Variants in PKD1L3 observed in about 807,000 individuals in gnomAD.
The protein encoded by PKD1L3 is polycystin 1 like 3, transient receptor potential channel interacting, also known as polycystin-1-like protein 3.
PKD1L3 carries 239 observed loss-of-function variants against 184.1 expected under a neutral mutation model. That is an observed-to-expected ratio of 1.30 (90% CI 1.17 to 1.45). The LOEUF (loss-of-function observed/expected upper bound fraction) is 1.45, where lower values mean the gene tolerates loss of function less well. Ranked by LOEUF, PKD1L3 falls within the 40% of genes most tolerant of loss-of-function variation. The pLI is 0.00. For synonymous variants in PKD1L3, 996 were observed against 778.8 expected (o/e 1.28, Z -4.64); for missense variants, 2,660 against 2,067.2 (o/e 1.29, Z -5.56).
intron 11 of PKD1L3, 67 bp downstream of exon 11, chr16:71,977,169 T>A (rs549216594): frequency 9.2e-6 from 11 of 1,191,326 alleles, no homozygotes; most frequent in Non-Finnish European, 1.3e-5. Flanking sequence ...ACAATGATGG[T>A]GCCACTGCAC....
At chr16:71,994,435 G>A (rs1162764494) in intron 2 of PKD1L3, among the ~76,000 whole-genome samples, 1 of 152,094 alleles carries the variant, frequency 6.6e-6, no homozygotes. Context: ...TACCTGTAGC[G>A]AGACAATGCC....
Position 71,930,171 on chromosome 16 carries a change from C to T in PKD1L3, c.4939G>A (p.Asp1647Asn). 6.5e-7 allele frequency: 1 copy of T among 1,541,970 alleles called. No individual in the cohort carries two copies. Among genetic ancestry groups the T allele is most frequent in the African/African-American group, 1.4e-5 (1 of 72,418 alleles). Reference sequence around the variant, plus strand: ...ATCAGAAAGGTGCCCAGGACTGGGTCTAAAGCGAAAACCTGGGAAAACAAT... The same window carrying T: ...ATCAGAAAGGTGCCCAGGACTGGGTTTAAAGCGAAAACCTGGGAAAACAAT... ...ISHQEEVFAL[D>N]PVLGTFLILT... Residue 1647 changes from aspartate (D) to asparagine (N), a missense_variant, in exon 29 of 30, where the codon GAC becomes AAC. Asp to Asn is a conservative substitution (Grantham distance 23). Transcript: ENST00000620267.
At chr16:71,966,083 G>T (rs566447490) in intron 15 of PKD1L3, among the ~76,000 whole-genome samples, 37 of 152,326 alleles carry the variant, frequency 2.4e-4, no homozygotes, top group African/African-American at 8.7e-4. Context: ...GGTATGTCTA[G>T]CTAGGGGGAA....
At chr16:71,990,553 T>G (rs1446202095) in intron 3 of PKD1L3, among the ~76,000 whole-genome samples, 4 of 151,868 alleles carry the variant, frequency 2.6e-5, no homozygotes, top group Admixed American at 2.6e-4. Flanking sequence ...GCCAGTGTGG[T>G]GAAACCCCTA....
In PKD1L3 at chr16:71,934,122, G is replaced by A. The variant is rs1326407389; in HGVS notation, c.4617C>T (p.Phe1539=). Residue 1539 remains phenylalanine, a synonymous_variant, in exon 27 of 30, where the codon TTC becomes TTT. Transcript: ENST00000620267. The part of the protein sequence containing the change: ...MARYRDDQDR[F]ISFYEAVKVN... Reference sequence around the variant, plus strand: ...CTTTTACTGCCTCATAGAAGCTGATGAATCTGCACCAAGGAAAGCTGACAG... The same window carrying A: ...CTTTTACTGCCTCATAGAAGCTGATAAATCTGCACCAAGGAAAGCTGACAG... 6.4e-7 allele frequency: 1 copy of A among 1,551,656 alleles called. No individual in the cohort carries two copies. Among genetic ancestry groups the A allele is most frequent in the African/African-American group, 1.4e-5 (1 of 73,020 alleles).
intron 16 of PKD1L3, among the ~76,000 whole-genome samples, chr16:71,961,620 C>T (rs898368907): frequency 6.6e-6 from 1 of 152,032 alleles, no homozygotes; most frequent in African/African-American, 2.4e-5. Context: ...GCCAGCGCCC[C>T]CTGCTGACCT....
At chr16:71,960,659 TCA>T (rs1261204158) in intron 16 of PKD1L3, among the ~76,000 whole-genome samples, 2 of 152,146 alleles carry the variant, frequency 1.3e-5, no homozygotes, top group Non-Finnish European at 2.9e-5. Flanking sequence ...AGAATTAAAC[TCA>T]CAGTCTTTCC....
chr16:71,988,554 C>T (rs1484723005), intron 4 of PKD1L3, among the ~76,000 whole-genome samples: 2 of 152,044 alleles, frequency 1.3e-5, no homozygotes, highest in African/African-American at 4.8e-5. Context: ...ATCGTGGTGA[C>T]CATGGTGAGA....
chr16:71,969,854 T>C (rs1351638283), intron 13 of PKD1L3, 21 bp downstream of exon 13: 3 of 1,527,880 alleles, frequency 2.0e-6, no homozygotes, highest in Non-Finnish European at 1.8e-6. Context: ...GGCAAATCTG[T>C]TGAAATCAAA....
At chr16:71,978,481 G>A (rs2040014873) in intron 9 of PKD1L3, 98 bp from the exon 10 acceptor site, 1 of 102,990 alleles carries the variant, frequency 9.7e-6, no homozygotes, top group Non-Finnish European at 1.6e-5. Flanking sequence ...ATATATGTGT[G>A]TGTGTGTGTG....
intron 22 of PKD1L3, among the ~76,000 whole-genome samples, chr16:71,944,833 G>C (rs1025796297): frequency 1.3e-5 from 2 of 151,338 alleles, no homozygotes; most frequent in Non-Finnish European, 2.9e-5. Flanking sequence ...TGAGTAGCTG[G>C]GATTACAGGC....
At chr16:71,967,382 G>A in intron 14 of PKD1L3, 67 bp from the exon 15 acceptor site, 1 of 1,416,408 alleles carries the variant, frequency 7.1e-7, no homozygotes, top group Non-Finnish European at 9.4e-7. Context: ...TTATCCCTAA[G>A]GAGAAAGACG....
chr16:72,000,051 G>T lies in PKD1L3; in HGVS notation c.-73C>A. 6 of 1,224,712 alleles carry T rather than the reference G, an allele frequency of 4.9e-6. No homozygotes were observed. The highest frequency in any genetic ancestry group is 3.1e-5 in the Admixed American group (1 of 31,994). 75.9% of individuals were successfully genotyped at this position (1,224,712 alleles called of 1,614,324 possible). On this transcript the variant is annotated 5_prime_UTR_variant, in exon 1 of 30. Transcript: ENST00000620267. ...TGGTCCTTTAAATATATATATTGGC[G>T]GGCTTGTCTTATTAGTATTATTCTT... is the stretch of plus-strand genomic sequence containing the variant.
intron 16 of PKD1L3, among the ~76,000 whole-genome samples, chr16:71,961,280 G>A (rs1460158929): frequency 6.6e-6 from 1 of 151,978 alleles, no homozygotes; most frequent in African/African-American, 2.4e-5. Context: ...GCACCACTGC[G>A]CATGGCTAAC....
In PKD1L3 at chr16:71,943,008, A is replaced by G. The variant is rs917438196; in HGVS notation, c.3876T>C (p.Leu1292=). 2.6e-6 allele frequency: 4 copies of G among 1,550,066 alleles called. No individual in the cohort carries two copies. Among genetic ancestry groups the G allele is most frequent in the Non-Finnish European group, 3.5e-6 (4 of 1,145,774 alleles). ...TGDILVQILF[L]TLLMTAIYSA... ...AGTAGATTGCAGTCATCAACAGGGT[A>G]AGGAAGAGGATTTGTACTTGTTTAG... Residue 1292 remains leucine (L), a synonymous_variant, in exon 24 of 30, where the codon CTT becomes CTC. Coordinates refer to ENST00000620267, the MANE Select transcript of PKD1L3 (RefSeq NM_181536.2).
chr16:71,979,942 T>A (rs979189897), intron 8 of PKD1L3, 30 bp from the exon 9 acceptor site: 2 of 1,549,716 alleles, frequency 1.3e-6, no homozygotes, highest in African/African-American at 2.7e-5. Flanking sequence ...TGGAAGTCAA[T>A]TTTTGTGTGT....
intron 10 of PKD1L3, 93 bp from the exon 11 acceptor site, chr16:71,977,560 C>CTTCCACT: frequency 1.7e-5 from 9 of 543,646 alleles, no homozygotes; most frequent in Non-Finnish European, 2.3e-5. Context: ...CGTCCTAGCT[C>CTTCCACT]TTTTTTTTTT....
intron 26 of PKD1L3, among the ~76,000 whole-genome samples, chr16:71,934,510 G>T (rs1477917186): frequency 6.6e-6 from 1 of 152,168 alleles, no homozygotes; most frequent in African/African-American, 2.4e-5. Flanking sequence ...CTGCTGGTCT[G>T]TTTTCTGTGG....
chr16:71,967,369 G>C (rs1397836184), intron 14 of PKD1L3, 54 bp from the exon 15 acceptor site: 2 of 1,475,276 alleles, frequency 1.4e-6, no homozygotes, highest in Non-Finnish European at 1.8e-6. Context: ...CAATTCTTTG[G>C]GTTTATCCCT....
Sources: allele counts gnomAD v4.1 joint callset (sites outside exome capture counted in the v4.1 genomes callset), GRCh38; gene constraint gnomAD v4.1.1; transcripts MANE v1.5; gene names NCBI Gene and HGNC (gene_info 2026-07-23, HGNC 2026-07-21).